Variants in ZNF704 observed in about 807,000 individuals in gnomAD.
ZNF704 encodes the protein zinc finger protein 704.
ZNF704 carries 10 observed loss-of-function variants against 44.7 expected under a neutral mutation model. The observed-to-expected ratio is 0.22, with a 90% confidence interval of 0.14 to 0.38. The LOEUF is 0.38. ZNF704 is among the 10% of genes least tolerant of loss of function. The pLI is 1.00. For synonymous variants in ZNF704, 211 were observed against 207.6 expected, an observed-to-expected ratio of 1.02 and a Z score of -0.14; for missense variants, 390 against 545.5, an observed-to-expected ratio of 0.71 and a Z score of 2.84.
rs900272073 is a variant in ZNF704 at position 80,637,568 on chromosome 8, A to G, written c.*3798T>C. 2.6e-5 allele frequency: 4 copies of G among 152,222 alleles called. No individual in the cohort carries two copies. The highest frequency in any genetic ancestry group is 9.6e-5 in the African/African-American group (4 of 41,460). 9.4% of individuals were successfully genotyped at this position (152,222 alleles called of 1,614,324 possible). ...GTGCTCTTGAGATTTAATGGAGGACATTTCAGTTTCAAAAATCTTTTGCAA... is the reference window on the plus strand; with the variant it reads ...GTGCTCTTGAGATTTAATGGAGGACGTTTCAGTTTCAAAAATCTTTTGCAA... On this transcript the variant is annotated 3_prime_UTR_variant, in exon 9 of 9. Transcript: ENST00000327835.
chr8:80,701,686 AAG>A (rs990866832), intron 2 of ZNF704, among the ~76,000 whole-genome samples: 5 of 152,170 alleles, frequency 3.3e-5, no homozygotes, highest in African/African-American at 9.7e-5. Context: ...TACAAGAGGG[AAG>A]AGAGGGAAGA....
chr8:80,781,861 G>T (rs1331359180), intron 2 of ZNF704, among the ~76,000 whole-genome samples: 1 of 152,170 alleles, frequency 6.6e-6, no homozygotes, highest in African/African-American at 2.4e-5. Context: ...AGAAAGCCTT[G>T]TTTCCACTAG....
intron 1 of ZNF704, among the ~76,000 whole-genome samples, chr8:80,834,708 G>A (rs764561000): frequency 3.3e-5 from 5 of 152,048 alleles, no homozygotes; most frequent in Admixed American, 6.6e-5. Context: ...GACAGGCCCC[G>A]GTGTGTGATG....
At chr8:80,686,755 T>C (rs1818544611) in intron 4 of ZNF704, among the ~76,000 whole-genome samples, 1 of 152,186 alleles carries the variant, frequency 6.6e-6, no homozygotes, top group African/African-American at 2.4e-5. Context: ...AGTTTGTTTA[T>C]ATCTCAGCTT....
At chr8:80,861,861 T>C (rs1246178520) in intron 1 of ZNF704, among the ~76,000 whole-genome samples, 3 of 151,996 alleles carry the variant, frequency 2.0e-5, no homozygotes, top group African/African-American at 7.3e-5. Flanking sequence ...GACAGAGCTT[T>C]TGATTCTCCT....
chr8:80,745,135 T>A (rs1806823420), intron 2 of ZNF704, among the ~76,000 whole-genome samples: 1 of 152,194 alleles, frequency 6.6e-6, no homozygotes, highest in Admixed American at 6.5e-5. Context: ...TCTTTTTCCT[T>A]AGTTTCGCTG....
chr8:80,684,798 G>T (rs1818508368), intron 4 of ZNF704, among the ~76,000 whole-genome samples: 1 of 152,126 alleles, frequency 6.6e-6, no homozygotes, highest in African/African-American at 2.4e-5. Context: ...ATTATTCTCA[G>T]GGCAATAAGC....
At chr8:80,852,114 A>T (rs1456854019) in intron 1 of ZNF704, among the ~76,000 whole-genome samples, 5 of 152,208 alleles carry the variant, frequency 3.3e-5, no homozygotes. Flanking sequence ...GGACCCCTTG[A>T]AAAACACACT....
Position 80,665,032 on chromosome 8 carries a change from G to A in ZNF704, c.710C>T (p.Thr237Ile). 6.2e-7 allele frequency: 1 copy of A among 1,614,216 alleles called. No individual in the cohort carries two copies. Among genetic ancestry groups the A allele is most frequent in the Non-Finnish European group, 8.5e-7 (1 of 1,180,034 alleles). The change falls in exon 6 of 9, where the codon ACT (threonine) becomes ATT (isoleucine). Residue 237 changes from threonine (T) to isoleucine (I), a missense_variant. Transcript: ENST00000327835. The part of the protein sequence containing the change: ...YSDGEEDFYY[T>I]EIKLNTDSVA... ...TGAGTCTGTGTTGAGCTTGATCTCA[G>A]TGTAGTAAAAGTCCTCTTCTCCATC...
At chr8:80,786,487 A>G (rs1024358873) in intron 2 of ZNF704, among the ~76,000 whole-genome samples, 1 of 152,236 alleles carries the variant, frequency 6.6e-6, no homozygotes, top group Non-Finnish European at 1.5e-5. Context: ...GAAGATATTT[A>G]GAAAGGACAT....
At chr8:80,697,226 G>T (rs2131641068) in intron 2 of ZNF704, among the ~76,000 whole-genome samples, 1 of 152,250 alleles carries the variant, frequency 6.6e-6, no homozygotes, top group East Asian at 1.9e-4. Context: ...GTGTGTGCCA[G>T]GATGAGTGGT....
At chr8:80,664,702 G>C (rs905635398) in intron 6 of ZNF704, 113 bp downstream of exon 6, 7 of 1,290,008 alleles carry the variant, frequency 5.4e-6, no homozygotes, top group Non-Finnish European at 7.7e-6. Context: ...AAGCTACCGG[G>C]CTGCCGTGTG....
At chr8:80,799,197 G>A (rs761647350) in intron 2 of ZNF704, among the ~76,000 whole-genome samples, 7 of 152,040 alleles carry the variant, frequency 4.6e-5, no homozygotes, top group Non-Finnish European at 8.8e-5. Context: ...CATAGGAACT[G>A]GAAATTACTG....
upstream of ZNF704, among the ~76,000 whole-genome samples, chr8:80,876,361 A>C (rs73272717): frequency 0.021 from 3,242 of 152,322 alleles, 110 homozygotes; most frequent in African/African-American, 0.074. Context: ...GAGTGTGCAA[A>C]GAATTAAGAA....
chr8:80,758,490 G>A (rs922217307), intron 2 of ZNF704, among the ~76,000 whole-genome samples: 2 of 151,978 alleles, frequency 1.3e-5, no homozygotes, highest in African/African-American at 4.8e-5. Context: ...AACCAACAAT[G>A]GTTTTGTAGA....
chr8:80,875,075 C>G (rs1392149766), upstream of ZNF704, among the ~76,000 whole-genome samples: 8 of 152,084 alleles, frequency 5.3e-5, no homozygotes, highest in South Asian at 2.1e-4. Context: ...TGGCATTGTT[C>G]AGGACTTTGA....
intron 6 of ZNF704, among the ~76,000 whole-genome samples, chr8:80,664,506 G>C (rs1818155413): frequency 6.6e-6 from 1 of 150,646 alleles, no homozygotes; most frequent in African/African-American, 2.4e-5. Flanking sequence ...CCCGACCTCA[G>C]GTGATCCGCC....
chr8:80,746,308 C>G (rs193190597), intron 2 of ZNF704, among the ~76,000 whole-genome samples: 1 of 152,084 alleles, frequency 6.6e-6, no homozygotes, highest in African/African-American at 2.4e-5. Context: ...AGAGAAAGCA[C>G]AGTATATATT....
At chr8:80,749,201 G>A (rs952597939) in intron 2 of ZNF704, among the ~76,000 whole-genome samples, 1 of 152,012 alleles carries the variant, frequency 6.6e-6, no homozygotes, top group Non-Finnish European at 1.5e-5. Context: ...GTAGAGATGG[G>A]GTCTCACTAT....
Sources: allele counts gnomAD v4.1 joint callset (sites outside exome capture counted in the v4.1 genomes callset), GRCh38; gene constraint gnomAD v4.1.1; transcripts MANE v1.5; gene names NCBI Gene and HGNC (gene_info 2026-07-23, HGNC 2026-07-21).